OR9Q1: variants seen among roughly 807,000 people sequenced by gnomAD.
The protein encoded by OR9Q1 is olfactory receptor family 9 subfamily Q member 1.
For synonymous variants in OR9Q1, 153 were observed against 148.6 expected (o/e 1.03, Z -0.22); for missense variants, 374 against 378.8 (o/e 0.99, Z 0.11).
intron 1 of OR9Q1, chr11:58,031,650 G>C: frequency 6.2e-7 from 1 of 1,613,842 alleles, no homozygotes. Flanking sequence ...CTGCACATCC[G>C]CTCAGCTGCT....
intron 2 of OR9Q1, among the ~76,000 whole-genome samples, chr11:58,153,517 C>G (rs932243698): frequency 3.3e-5 from 5 of 151,194 alleles, no homozygotes; most frequent in African/African-American, 1.2e-4. Flanking sequence ...GCAATGACCT[C>G]TCAGCTCTAA....
At chr11:58,026,122 A>G (rs1204110616) in intron 1 of OR9Q1, among the ~76,000 whole-genome samples, 1 of 152,186 alleles carries the variant, frequency 6.6e-6, no homozygotes, top group Non-Finnish European at 1.5e-5. Flanking sequence ...TTCCTAAAAG[A>G]CACAGTTCTT....
intron 2 of OR9Q1, among the ~76,000 whole-genome samples, chr11:58,099,128 A>AT (rs1218688593): frequency 6.6e-6 from 1 of 151,900 alleles, no homozygotes; most frequent in Non-Finnish European, 1.5e-5. Context: ...ATACACTTGA[A>AT]TGGAATTTGA....
chr11:58,066,423 C>A (rs559224829), intron 2 of OR9Q1, among the ~76,000 whole-genome samples: 348 of 152,168 alleles, frequency 2.3e-3, no homozygotes, highest in Admixed American at 3.6e-3. Context: ...GTTGTCAGAG[C>A]GTCTGTGCCT....
chr11:58,134,584 GAGA>G (rs1854173505), intron 2 of OR9Q1, among the ~76,000 whole-genome samples: 1 of 152,196 alleles, frequency 6.6e-6, no homozygotes. Flanking sequence ...ACTGGGGAAG[GAGA>G]AGTGTAAGAG....
intron 1 of OR9Q1, among the ~76,000 whole-genome samples, chr11:58,042,463 C>T (rs900157640): frequency 1.2e-3 from 175 of 151,666 alleles, no homozygotes; most frequent in Non-Finnish European, 2.0e-3. Context: ...TGTAGATATG[C>T]GGCGTTATTT....
intron 2 of OR9Q1, among the ~76,000 whole-genome samples, chr11:58,165,801 C>T (rs1854495234): frequency 6.6e-6 from 1 of 152,152 alleles, no homozygotes; most frequent in Non-Finnish European, 1.5e-5. Context: ...AAGACATTTC[C>T]CGCTCCCAAG....
At chr11:58,119,475 G>A in intron 2 of OR9Q1, 1 of 1,320,490 alleles carries the variant, frequency 7.6e-7, no homozygotes, top group South Asian at 1.4e-5. Context: ...GTCTGAGGAT[G>A]ATAATGAAAT....
At chr11:58,078,759 T>C (rs1324949722) in intron 2 of OR9Q1, among the ~76,000 whole-genome samples, 1 of 152,196 alleles carries the variant, frequency 6.6e-6, no homozygotes, top group African/African-American at 2.4e-5. Context: ...AGACCCATCA[T>C]TGGTATTTTC....
At chr11:58,122,176 G>A (rs1854040186) in intron 2 of OR9Q1, among the ~76,000 whole-genome samples, 1 of 152,182 alleles carries the variant, frequency 6.6e-6, no homozygotes, top group African/African-American at 2.4e-5. Context: ...TTTCATGAAA[G>A]GGCTCATGGT....
chr11:58,131,807 T>C (rs1854144232), intron 2 of OR9Q1, among the ~76,000 whole-genome samples: 1 of 152,172 alleles, frequency 6.6e-6, no homozygotes, highest in Non-Finnish European at 1.5e-5. Flanking sequence ...TTTCAGGGTA[T>C]TGGGGTGGCT....
intron 2 of OR9Q1, among the ~76,000 whole-genome samples, chr11:58,075,593 TC>T (rs1178573543): frequency 2.0e-5 from 3 of 152,224 alleles, no homozygotes; most frequent in African/African-American, 7.2e-5. Flanking sequence ...CTGGTCTCTT[TC>T]TTTGACTTGA....
At position 58,102,087 on chromosome 11, in the gene OR9Q1, CTTTGATCCATAGACTATAGTTAGGTCT is replaced by C. The variant is rs1280537383; in HGVS notation, c.-15+46145_-15+46171del. ...ACAGTTTTGGATCTTAGATTTAAGT[CTTTGATCCATAGACTATAGTTAGGTCT>C]TTTGTTTTTTTTCTGATTTGGCTAG... On this transcript the variant is annotated intron_variant, in intron 2 of 2. Transcript: ENST00000335397. 2.0e-5 allele frequency among the ~76,000 whole-genome samples: 3 copies of C among 152,080 alleles called. No homozygotes were observed. The East Asian group carries it at 5.8e-4, about 29-fold the overall frequency.
At chr11:58,136,049 T>G (rs1854186141) in intron 2 of OR9Q1, among the ~76,000 whole-genome samples, 1 of 152,158 alleles carries the variant, frequency 6.6e-6, no homozygotes, top group Non-Finnish European at 1.5e-5. Flanking sequence ...CCATTAGTTT[T>G]CTGAGGTGTA....
At chr11:58,147,491 A>C (rs1854309867) in intron 2 of OR9Q1, among the ~76,000 whole-genome samples, 1 of 152,154 alleles carries the variant, frequency 6.6e-6, no homozygotes, top group African/African-American at 2.4e-5. Flanking sequence ...AAATGAGTAA[A>C]ATGCTAGACA....
At chr11:58,177,524 T>A (rs577696608) in intron 2 of OR9Q1, among the ~76,000 whole-genome samples, 2 of 152,244 alleles carry the variant, frequency 1.3e-5, no homozygotes, top group Non-Finnish European at 2.9e-5. Context: ...TTTTCTATTA[T>A]TAAGGACAAT....
At position 58,134,077 on chromosome 11, in the gene OR9Q1, TG is replaced by T. The variant is rs529426237; in HGVS notation, c.-14-45353del. Among the ~76,000 whole-genome samples the T allele has an allele frequency of 4.6e-4, 70 of 152,288 alleles. 1 individual carries two copies. The highest frequency in any genetic ancestry group is 1.6e-3 in the African/African-American group (65 of 41,574). ...ATCTCTCATTTAGAAGCTGATTGGC[TG>T]AGAAGCTCTAAGGAGGTTAGGGATG... On this transcript the variant is annotated intron_variant, in intron 2 of 2. Transcript: ENST00000335397.
At chr11:58,144,992 C>A in intron 2 of OR9Q1, 2 of 158,386 alleles carry the variant, frequency 1.3e-5, no homozygotes, top group South Asian at 3.5e-4. Flanking sequence ...TTCTCTAAGT[C>A]CAACCATGTA....
intron 2 of OR9Q1, among the ~76,000 whole-genome samples, chr11:58,148,109 C>T (rs908212209): frequency 6.6e-6 from 1 of 152,046 alleles, no homozygotes; most frequent in Non-Finnish European, 1.5e-5. Flanking sequence ...CACCAAGAGG[C>T]CAAAGTACTA....
Sources: allele counts gnomAD v4.1 joint callset (sites outside exome capture counted in the v4.1 genomes callset), GRCh38; gene constraint gnomAD v4.1.1; transcripts MANE v1.5; gene names NCBI Gene and HGNC (gene_info 2026-07-23, HGNC 2026-07-21).